LINS1: variants seen among roughly 807,000 people sequenced by gnomAD.
LINS1 encodes protein Lines homolog 1.
A neutral mutation model predicts 41.6 loss-of-function variants in LINS1; 27 were observed. That is an observed-to-expected ratio of 0.65 (90% CI 0.48 to 0.89). LINS1 has a LOEUF of 0.89. LINS1 is among the 40% of genes least tolerant of loss of function. The probability of loss-of-function intolerance (pLI) is 0.00; values close to 1 mark genes in which losing one functional copy is unlikely to be tolerated. For missense variants in LINS1, 955 were observed against 884.1 expected, an observed-to-expected ratio of 1.08 and a Z score of -1.02; for synonymous variants, 336 against 312.9, an observed-to-expected ratio of 1.07 and a Z score of -0.78.
intron 4 of LINS1, among the ~76,000 whole-genome samples, chr15:100,574,680 C>T (rs990920683): frequency 6.6e-6 from 1 of 152,156 alleles, no homozygotes; most frequent in Admixed American, 6.5e-5. Flanking sequence ...TGCACTCCAG[C>T]CTGGGCAACA....
At chr15:100,572,116 A>G (rs1231751512) in intron 5 of LINS1, 51 bp from the exon 6 acceptor site, 1 of 1,605,656 alleles carries the variant, frequency 6.2e-7, no homozygotes, top group African/African-American at 1.3e-5. Context: ...TGAATGAATG[A>G]ATATCTTGCC....
chr15:100,593,042 T>C (rs1053064762), intron 1 of LINS1, among the ~76,000 whole-genome samples: 3 of 152,216 alleles, frequency 2.0e-5, no homozygotes, highest in African/African-American at 7.2e-5. Context: ...CTGAAGTGGA[T>C]GCTCTGAGGT....
At position 100,574,327 on chromosome 15, in the gene LINS1, T is replaced by C. The variant is rs1596892193; in HGVS notation, c.632-86A>G. The C allele has an allele frequency of 6.6e-6, 6 of 907,504 alleles. No homozygotes were observed. The East Asian group carries it at 1.3e-4, about 20-fold the overall frequency. The allele number at this position is 907,504 out of a possible 1,614,324, so 56.2% of individuals were successfully genotyped here. A position where few individuals can be genotyped will look rare whatever the true frequency, so the allele number is the denominator to read the frequency against. On this transcript the variant is annotated intron_variant, in intron 4 of 6. Coordinates refer to ENST00000314742, the MANE Select transcript of LINS1 (RefSeq NM_001040616.3). ...AATTCACTTTTTATAAATATCACTT[T>C]TTAAGATGAAAAAACAGATTTGGAA... is the stretch of plus-strand genomic sequence containing the variant.
chr15:100,580,394 T>G (rs771341626), intron 2 of LINS1, 42 bp from the exon 3 acceptor site: 58 of 1,605,876 alleles, frequency 3.6e-5, no homozygotes, highest in Non-Finnish European at 4.9e-5. Flanking sequence ...TGCTGAATGT[T>G]CTTAAAATTA....
In LINS1 at chr15:100,588,422, G is replaced by A. The variant is rs138757055; in HGVS notation, c.-103-7477C>T. On this transcript the variant is annotated intron_variant, in intron 1 of 6. Coordinates refer to ENST00000314742, the MANE Select transcript of LINS1 (RefSeq NM_001040616.3). ...TTTAATTAACTGGTTAATAATAAGA[G>A]CTTAAATCAAATATTTTGTCAGAAA... Among the ~76,000 whole-genome samples the A allele has an allele frequency of 2.7e-3, 415 of 152,304 alleles. 3 individuals are homozygous for A. The highest frequency in any genetic ancestry group is 9.5e-3 in the African/African-American group (395 of 41,554).
intron 1 of LINS1, among the ~76,000 whole-genome samples, chr15:100,585,709 CTTA>C (rs766249947): frequency 3.3e-5 from 5 of 152,146 alleles, no homozygotes; most frequent in African/African-American, 4.8e-5. Flanking sequence ...TGTATGTACA[CTTA>C]TTGTTATATG....
At chr15:100,599,120 C>G (rs1046640923) in intron 1 of LINS1, among the ~76,000 whole-genome samples, 1 of 152,226 alleles carries the variant, frequency 6.6e-6, no homozygotes. Context: ...TTTCATGAAT[C>G]AAGCTTCATG....
chr15:100,587,198 A>G (rs1276705835), intron 1 of LINS1, among the ~76,000 whole-genome samples: 1 of 142,478 alleles, frequency 7.0e-6, no homozygotes. Context: ...GCAGTTTGGC[A>G]ATTCTTTAAT....
intron 1 of LINS1, among the ~76,000 whole-genome samples, chr15:100,593,578 A>C (rs2039132217): frequency 6.7e-6 from 1 of 149,548 alleles, no homozygotes; most frequent in African/African-American, 2.5e-5. Flanking sequence ...GGGGTGCTTA[A>C]TTATCATACC....
chr15:100,569,679 G>A lies in LINS1; in HGVS notation c.1833C>T (p.Thr611=). Residue 611 remains threonine, a synonymous_variant, in exon 7 of 7, where the codon ACC becomes ACT. Coordinates refer to ENST00000314742, the MANE Select transcript of LINS1 (RefSeq NM_001040616.3). The stretch of plus-strand genomic sequence containing the variant: ...GGGAAGACAGACTAGAAGCACACAT[G>A]GTGTGAGCCCCCTTGGACATCACAG... ...LKAVMSKGAH[T]MCASSLSSPR... is the part of the protein sequence containing the mutation. 4.3e-6 allele frequency: 7 copies of A among 1,613,782 alleles called. No individual in the cohort carries two copies. Among genetic ancestry groups the A allele is most frequent in the Non-Finnish European group, 5.9e-6 (7 of 1,179,802 alleles).
Position 100,569,615 on chromosome 15 carries a change from C to G in LINS1, c.1897G>C (p.Asp633His), listed in dbSNP as rs1400168224. 2 of 1,613,236 alleles carry G rather than the reference C, an allele frequency of 1.2e-6. No individual in the cohort carries two copies. The highest frequency in any genetic ancestry group is 1.3e-5 in the African/African-American group (1 of 74,886). The change falls in exon 7 of 7, where the codon GAC becomes CAC. Residue 633 changes from aspartate (D) to histidine (H), a missense_variant. Coordinates refer to ENST00000314742, the MANE Select transcript of LINS1 (RefSeq NM_001040616.3). ...TCTGTGGATTCCACGTCAGAATCGT[C>G]AGAGCTGTCGTAATCTACCAGACTT... ...SQSLVDYDSS[D>H]DSDVESTEQC... is the part of the protein sequence containing the mutation.
intron 5 of LINS1, 196 bp downstream of exon 5, chr15:100,573,455 G>A: frequency 2.2e-6 from 2 of 907,746 alleles, no homozygotes; most frequent in Non-Finnish European, 3.1e-6. Context: ...TTCATTGTAG[G>A]CACAAAAAGC....
intron 1 of LINS1, among the ~76,000 whole-genome samples, chr15:100,587,095 G>A (rs1243265386): frequency 2.1e-5 from 3 of 144,372 alleles, no homozygotes; most frequent in Non-Finnish European, 4.5e-5. Context: ...GGAGGCAGAG[G>A]TTGCAGTGAG....
rs751703104 is a variant in LINS1 at position 100,569,415 on chromosome 15, T to C, written c.2097A>G (p.Pro699=). Residue 699 remains proline, a synonymous_variant, in exon 7 of 7, where the codon CCA becomes CCG. Coordinates refer to ENST00000314742, the MANE Select transcript of LINS1 (RefSeq NM_001040616.3). ...TAFSFDCEVA[P]NDVVSEVGIF... ...TTCCCACTTCAGAGACGACATCATT[T>C]GGGGCTACTTCACAATCAAAGGAGA... 1.8e-5 allele frequency: 29 copies of C among 1,614,086 alleles called. No homozygotes were observed. The highest frequency in any genetic ancestry group is 5.0e-5 in the Admixed American group (3 of 60,004).
intron 1 of LINS1, among the ~76,000 whole-genome samples, chr15:100,592,354 T>C (rs2039076049): frequency 6.6e-6 from 1 of 152,214 alleles, no homozygotes; most frequent in Non-Finnish European, 1.5e-5. Context: ...CACTTTTGGA[T>C]TTTTACGGAG....
At chr15:100,574,335 GA>G in intron 4 of LINS1, 94 bp from the exon 5 acceptor site, 1 of 844,274 alleles carries the variant, frequency 1.2e-6, no homozygotes, top group South Asian at 1.5e-5. Flanking sequence ...TTTTTAAGAT[GA>G]AAAAACAGAT....
chr15:100,579,355 A>G (rs2038389674), intron 3 of LINS1, among the ~76,000 whole-genome samples: 1 of 151,216 alleles, frequency 6.6e-6, no homozygotes, highest in Non-Finnish European at 1.5e-5. Flanking sequence ...GAAAGCAAAG[A>G]CTGTGGCCCC....
chr15:100,594,757 C>T (rs888091845), intron 1 of LINS1, among the ~76,000 whole-genome samples: 1 of 152,124 alleles, frequency 6.6e-6, no homozygotes, highest in Non-Finnish European at 1.5e-5. Context: ...GGGCTGGTTC[C>T]CCCTGGCAGC....
At chr15:100,585,077 T>C (rs891356613) in intron 1 of LINS1, among the ~76,000 whole-genome samples, 5 of 152,122 alleles carry the variant, frequency 3.3e-5, no homozygotes, top group Admixed American at 2.6e-4. Flanking sequence ...ATTATATGGA[T>C]GTTAAAAGTT....
Sources: allele counts gnomAD v4.1 joint callset (sites outside exome capture counted in the v4.1 genomes callset), GRCh38; gene constraint gnomAD v4.1.1; transcripts MANE v1.5; gene names NCBI Gene and HGNC (gene_info 2026-07-23, HGNC 2026-07-21).